Variants in MYO9B observed in about 807,000 individuals in gnomAD.
MYO9B encodes unconventional myosin-IXb.
MYO9B carries 71 observed loss-of-function variants against 229.5 expected under a neutral mutation model. The observed-to-expected ratio is 0.31, with a 90% CI of 0.26 to 0.38. The LOEUF (loss-of-function observed/expected upper bound fraction) is 0.38. Among genes scored for constraint, MYO9B ranks in the 10% least tolerant of loss-of-function variants. The probability of loss-of-function intolerance (pLI) is 1.00; values close to 1 mark genes in which losing one functional copy is unlikely to be tolerated. For missense variants in MYO9B, 2,255 were observed against 2,920.5 expected, an observed-to-expected ratio of 0.77 and a Z score of 5.25; for synonymous variants, 1,185 against 1,235.8, an observed-to-expected ratio of 0.96 and a Z score of 0.86.
intron 11 of MYO9B, among the ~76,000 whole-genome samples, chr19:17,168,399 C>T (rs1042315099): frequency 6.6e-6 from 1 of 152,170 alleles, no homozygotes. Context: ...CTCCTTAGCT[C>T]AAGGGATCCT....
chr19:17,139,686 C>CTGAGG (rs2072313347), intron 2 of MYO9B, among the ~76,000 whole-genome samples: 1 of 151,986 alleles, frequency 6.6e-6, no homozygotes, highest in Non-Finnish European at 1.5e-5. Context: ...CTGCAGTGAG[C>CTGAGG]CATGATCATG....
intron 26 of MYO9B, among the ~76,000 whole-genome samples, chr19:17,201,169 G>C (rs552264378): frequency 6.6e-6 from 1 of 152,190 alleles, no homozygotes; most frequent in Non-Finnish European, 1.5e-5. Context: ...AAGAGGTCGA[G>C]GCACCACAAG....
At position 17,101,574 on chromosome 19, in the gene MYO9B, G is replaced by C. The variant is rs373238543; in HGVS notation, c.-58-86G>C. On this transcript the variant is annotated intron_variant, in intron 1 of 39. Transcript: ENST00000682292. The surrounding 1 kb of genome is among the most constrained non-coding windows in gnomAD (Gnocchi z 4.7). ...GGGGAACTCCAGCATCGGGTCAGGT[G>C]CTATCTGCCCAGGAGTGGGACTCCA... 1 of 1,305,008 alleles carries C rather than the reference G, an allele frequency of 7.7e-7. No homozygotes were observed. The highest frequency in any genetic ancestry group is 1.0e-6 in the Non-Finnish European group (1 of 982,360). The allele number at this position is 1,305,008 out of a possible 1,614,324, so 80.8% of individuals were successfully genotyped here.
chr19:17,082,143 T>C lies in MYO9B; in HGVS notation c.-59+6269T>C, dbSNP rs150533242. On this transcript the variant is annotated intron_variant, in intron 1 of 39. Coordinates refer to ENST00000682292, the MANE Select transcript of MYO9B (RefSeq NM_004145.4). ...AGGAAGTATTGGCTGGGAGCCAGGC[T>C]CAGAGCTGGCCCTTGGGGAGACTGA... is the stretch of plus-strand genomic sequence containing the variant. 2.0e-5 allele frequency among the ~76,000 whole-genome samples: 3 copies of C among 152,288 alleles called. No individual in the cohort carries two copies. The East Asian group carries it at 5.8e-4, about 29-fold the overall frequency.
chr19:17,087,992 C>T (rs1454149536), intron 1 of MYO9B, among the ~76,000 whole-genome samples: 2 of 150,502 alleles, frequency 1.3e-5, no homozygotes, highest in Non-Finnish European at 3.0e-5. Context: ...CCCAGCTACT[C>T]GGGAGGCTGA....
chr19:17,106,156 C>T (rs942792790), intron 2 of MYO9B, among the ~76,000 whole-genome samples: 1 of 152,014 alleles, frequency 6.6e-6, no homozygotes, highest in Non-Finnish European at 1.5e-5. Flanking sequence ...CCACCATGCC[C>T]GGCTAATTTT....
intron 33 of MYO9B, 94 bp downstream of exon 33, chr19:17,206,470 A>T (rs1033331086): frequency 1.3e-6 from 2 of 1,509,976 alleles, no homozygotes; most frequent in African/African-American, 2.8e-5. Context: ...CACCCAGTTC[A>T]CAAACTGAGA....
chr19:17,166,527 G>A (rs2072661479), intron 10 of MYO9B, among the ~76,000 whole-genome samples: 1 of 151,598 alleles, frequency 6.6e-6, no homozygotes, highest in South Asian at 2.1e-4. Flanking sequence ...GAAGTTCAGG[G>A]GTACATGTGC....
chr19:17,142,040 T>C (rs2072346796), intron 2 of MYO9B, among the ~76,000 whole-genome samples: 1 of 151,848 alleles, frequency 6.6e-6, no homozygotes, highest in Admixed American at 6.6e-5. Context: ...TAGCCAAGCA[T>C]GGTGGCATGC....
rs564171663 is a variant in MYO9B at position 17,097,739 on chromosome 19, G to A, written c.-58-3921G>A. Among the ~76,000 whole-genome samples, 20 of 152,074 alleles carry A rather than the reference G, an allele frequency of 1.3e-4. No individual in the cohort carries two copies. In the East Asian group the frequency reaches 3.3e-3, roughly 25 times the overall value. On this transcript the variant is annotated intron_variant, in intron 1 of 39. Coordinates refer to ENST00000682292, the MANE Select transcript of MYO9B (RefSeq NM_004145.4). ...TCTGCAGGAATTCTCAGAGCCTCTAGTGGCCCTGACCCCACTCAGTCACAG... is the reference window on the plus strand; with the variant it reads ...TCTGCAGGAATTCTCAGAGCCTCTAATGGCCCTGACCCCACTCAGTCACAG...
In MYO9B at chr19:17,201,843, T is replaced by C. The variant is rs540835310; in HGVS notation, c.4564-83T>C. On this transcript the variant is annotated intron_variant, in intron 26 of 39. Coordinates refer to ENST00000682292, the MANE Select transcript of MYO9B (RefSeq NM_004145.4). ...GCCTAGGGGATGACTTAAGAGAGGA[T>C]AGAAGTGACCCCTTGGGCACCTCCT... is the stretch of plus-strand genomic sequence containing the variant. 1.6e-4 allele frequency: 156 copies of C among 970,872 alleles called. 1 individual carries two copies. The highest frequency in any genetic ancestry group is 2.1e-4 in the African/African-American group (13 of 61,276). 60.1% of individuals were successfully genotyped at this position (970,872 alleles called of 1,614,324 possible).
intron 27 of MYO9B, 40 bp from the exon 28 acceptor site, chr19:17,202,090 C>T: frequency 1.2e-6 from 2 of 1,612,360 alleles, no homozygotes; most frequent in East Asian, 2.2e-5. Context: ...CCATCCGCCC[C>T]TTGCCCAGGC....
chr19:17,161,583 A>G (rs1359524944), intron 8 of MYO9B, among the ~76,000 whole-genome samples: 1 of 152,164 alleles, frequency 6.6e-6, no homozygotes, highest in Admixed American at 6.6e-5. Context: ...TGGGAGGCCA[A>G]GGCAGGCAGA....
At chr19:17,143,134 GA>G (rs61201691) in intron 2 of MYO9B, among the ~76,000 whole-genome samples, 1,872 of 152,198 alleles carry the variant, frequency 0.012, 46 homozygotes, top group African/African-American at 0.041. Context: ...AGCTACCCGG[GA>G]AGGTGAGGCA....
At chr19:17,119,929 T>C (rs1234491428) in intron 2 of MYO9B, among the ~76,000 whole-genome samples, 1 of 152,200 alleles carries the variant, frequency 6.6e-6, no homozygotes, top group African/African-American at 2.4e-5. Context: ...ATTACAGCTA[T>C]AAGCCATTGC....
intron 1 of MYO9B, among the ~76,000 whole-genome samples, chr19:17,080,294 C>G (rs2057522956): frequency 6.6e-6 from 1 of 152,112 alleles, no homozygotes; most frequent in Non-Finnish European, 1.5e-5. Flanking sequence ...GCTGGGTGGC[C>G]AGAACGACAG....
intron 2 of MYO9B, among the ~76,000 whole-genome samples, chr19:17,114,402 C>T (rs1394952655): frequency 2.0e-5 from 3 of 152,092 alleles, no homozygotes; most frequent in Non-Finnish European, 4.4e-5. Flanking sequence ...ATTGCCCACC[C>T]AGAGCCCAGG....
chr19:17,149,692 A>G (rs2072455769), intron 3 of MYO9B, among the ~76,000 whole-genome samples: 2 of 152,202 alleles, frequency 1.3e-5, no homozygotes, highest in African/African-American at 4.8e-5. Flanking sequence ...GCCAAGGGTC[A>G]GGCACAGTCC....
At chr19:17,204,040 C>T (rs2073135231) in intron 30 of MYO9B, among the ~76,000 whole-genome samples, 1 of 152,054 alleles carries the variant, frequency 6.6e-6, no homozygotes, top group South Asian at 2.1e-4. Context: ...GCCTCTCCTA[C>T]ATGTGTTTTT....
Sources: gnomAD v4.1 joint callset for allele counts (sites outside exome capture counted in the v4.1 genomes callset) on GRCh38, gnomAD v4.1.1 for gene constraint, Gnocchi (gnomAD v3.1) non-coding constraint, MANE v1.5 for transcripts, NCBI Gene and HGNC (gene_info 2026-07-23, HGNC 2026-07-21) for gene names.